The following CNTN4 variants were observed in gnomAD, a reference collection of about 807,000 sequenced individuals.
CNTN4 encodes the protein contactin-4.
CNTN4 carries 77 observed loss-of-function variants against 122.5 expected under a neutral mutation model. The observed-to-expected ratio is 0.63, with a 90% CI of 0.52 to 0.76. CNTN4 has a LOEUF of 0.76. Ranked by LOEUF, CNTN4 falls within the 30% of genes least tolerant of loss-of-function variation. The pLI is 0.00. For synonymous variants in CNTN4, 512 were observed against 447.0 expected, an observed-to-expected ratio of 1.15 and a Z score of -1.83; for missense variants, 1,256 against 1,259.1, an observed-to-expected ratio of 1.00 and a Z score of 0.04.
intron 2 of CNTN4, among the ~76,000 whole-genome samples, chr3:2,123,405 A>AT (rs1429171467): frequency 2.6e-5 from 4 of 152,102 alleles, no homozygotes; most frequent in Non-Finnish European, 5.9e-5. Flanking sequence ...GGCTTTACTA[A>AT]TTTTTTATGC....
At chr3:2,936,018 A>G (rs532265707) in intron 13 of CNTN4, among the ~76,000 whole-genome samples, 2 of 152,322 alleles carry the variant, frequency 1.3e-5, no homozygotes, top group East Asian at 3.9e-4. Flanking sequence ...TAAAACTGGG[A>G]CATCTCTCAG....
At chr3:2,359,684 C>A (rs71309890) in intron 3 of CNTN4, among the ~76,000 whole-genome samples, 7,531 of 152,062 alleles carry the variant, frequency 0.05, 222 homozygotes, top group Non-Finnish European at 0.058. Context: ...GGACTACAGG[C>A]GCCCACCACC....
intron 4 of CNTN4, among the ~76,000 whole-genome samples, chr3:2,573,570 C>G (rs1042529163): frequency 1.3e-5 from 2 of 152,084 alleles, no homozygotes; most frequent in African/African-American, 4.8e-5. Flanking sequence ...TTGGCTACAG[C>G]ATAATGTTTA....
At chr3:2,191,701 T>TACAC (rs1335159198) in intron 2 of CNTN4, among the ~76,000 whole-genome samples, 77 of 32,020 alleles carry the variant, frequency 2.4e-3, no homozygotes, top group South Asian at 0.016. Flanking sequence ...TATGTATATA[T>TACAC]ATATATATAC....
At chr3:2,525,826 T>C (rs111268819) in intron 3 of CNTN4, among the ~76,000 whole-genome samples, 3,907 of 152,284 alleles carry the variant, frequency 0.026, 141 homozygotes, top group African/African-American at 0.072. Context: ...TTATTCAGTT[T>C]GCTTTGTAGT....
intron 4 of CNTN4, among the ~76,000 whole-genome samples, chr3:2,642,584 A>T (rs111912659): frequency 5.1e-4 from 77 of 152,232 alleles, no homozygotes; most frequent in African/African-American, 1.8e-3. Context: ...GTACACATAT[A>T]CAGGTATGTG....
chr3:2,369,740 T>A (rs1343998410), intron 3 of CNTN4, among the ~76,000 whole-genome samples: 1 of 152,068 alleles, frequency 6.6e-6, no homozygotes, highest in Non-Finnish European at 1.5e-5. Flanking sequence ...GAGCCCTGCA[T>A]TGCATCTAAT....
chr3:2,537,958 C>G (rs1023475692), intron 3 of CNTN4, among the ~76,000 whole-genome samples: 2 of 152,000 alleles, frequency 1.3e-5, no homozygotes, highest in African/African-American at 4.8e-5. Context: ...GCTCCTCCCC[C>G]TACCCCCAAA....
intron 2 of CNTN4, among the ~76,000 whole-genome samples, chr3:2,299,310 G>C (rs533320407): frequency 1.5e-4 from 23 of 152,240 alleles, no homozygotes; most frequent in African/African-American, 5.5e-4. Flanking sequence ...TATTTTACTG[G>C]ATGCTAATGA....
intron 6 of CNTN4, among the ~76,000 whole-genome samples, chr3:2,816,474 C>T (rs1167410911): frequency 6.6e-6 from 1 of 151,938 alleles, no homozygotes; most frequent in East Asian, 1.9e-4. Context: ...AAATATAGTG[C>T]AGTGTATACT....
At chr3:2,110,296 C>A (rs1459540834) in intron 2 of CNTN4, 1 of 152,240 alleles carries the variant, frequency 6.6e-6, no homozygotes, top group Non-Finnish European at 1.5e-5. Context: ...TACAGATAGG[C>A]TGTGAACATT....
rs1381397577 is a variant in CNTN4 at position 2,763,558 on chromosome 3, G to A, written c.358+17861G>A. Among the ~76,000 whole-genome samples, 6 of 152,042 alleles carry A rather than the reference G, an allele frequency of 3.9e-5. No individual in the cohort carries two copies. The East Asian group carries it at 7.7e-4, about 20-fold the overall frequency. ...TGTCTTTGTAATGAAATCTTTGCCCGTGCCTATGTCCTGAATGGTATTGCC... is the reference window on the plus strand; with the variant it reads ...TGTCTTTGTAATGAAATCTTTGCCCATGCCTATGTCCTGAATGGTATTGCC... On this transcript the variant is annotated intron_variant, in intron 6 of 24. Coordinates refer to ENST00000418658, the MANE Select transcript of CNTN4 (RefSeq NM_175607.3).
At chr3:2,964,578 A>C (rs1692109309) in intron 13 of CNTN4, among the ~76,000 whole-genome samples, 2 of 152,110 alleles carry the variant, frequency 1.3e-5, no homozygotes, top group African/African-American at 4.8e-5. Flanking sequence ...ATGGGGCCTG[A>C]GATTGTGTGT....
chr3:2,830,136 T>G (rs775257581), intron 7 of CNTN4, among the ~76,000 whole-genome samples: 1 of 152,244 alleles, frequency 6.6e-6, no homozygotes, highest in Non-Finnish European at 1.5e-5. Flanking sequence ...ATGTGCTTTA[T>G]TGGGCAGAAA....
chr3:2,886,133 A>G (rs1456097319), intron 9 of CNTN4, among the ~76,000 whole-genome samples: 1 of 152,178 alleles, frequency 6.6e-6, no homozygotes, highest in Non-Finnish European at 1.5e-5. Flanking sequence ...ATGTGAAAGA[A>G]TTTGCAGCTA....
At chr3:2,201,916 A>G (rs2038113619) in intron 2 of CNTN4, among the ~76,000 whole-genome samples, 1 of 152,160 alleles carries the variant, frequency 6.6e-6, no homozygotes, top group African/African-American at 2.4e-5. Flanking sequence ...AATCTTACTT[A>G]TCTTCTTTTC....
chr3:2,788,903 T>C (rs545968581), intron 6 of CNTN4, among the ~76,000 whole-genome samples: 1 of 152,330 alleles, frequency 6.6e-6, no homozygotes, highest in East Asian at 1.9e-4. Flanking sequence ...ACTTTGGTCT[T>C]TACATAGATG....
At chr3:2,223,264 G>T (rs772532987) in intron 2 of CNTN4, among the ~76,000 whole-genome samples, 1 of 152,150 alleles carries the variant, frequency 6.6e-6, no homozygotes, top group Non-Finnish European at 1.5e-5. Context: ...CCCTGTGGGT[G>T]TCCGTGGTGG....
At chr3:2,110,343 G>A (rs2032843687) in intron 2 of CNTN4, 1 of 152,210 alleles carries the variant, frequency 6.6e-6, no homozygotes, top group Admixed American at 6.5e-5. Context: ...CAGTGTGCAT[G>A]GCACATTGTA....
Sources: gnomAD v4.1 joint callset for allele counts (sites outside exome capture counted in the v4.1 genomes callset) on GRCh38, gnomAD v4.1.1 for gene constraint, MANE v1.5 for transcripts, NCBI Gene and HGNC (gene_info 2026-07-23, HGNC 2026-07-21) for gene names.